Variants in BLOC1S5 observed in about 807,000 individuals in gnomAD.
The protein encoded by BLOC1S5 is biogenesis of lysosomal organelles complex 1 subunit 5, also known as biogenesis of lysosome-related organelles complex 1 subunit 5.
In BLOC1S5, 27 loss-of-function variants were observed where a neutral mutation model predicts 24.3. The ratio of observed to expected loss-of-function variants is 1.11; its 90% confidence interval spans 0.82 to 1.53. The LOEUF (loss-of-function observed/expected upper bound fraction) is 1.53. BLOC1S5 is among the 40% of genes most tolerant of loss of function. The pLI is 0.00. For synonymous variants in BLOC1S5, 84 were observed against 74.5 expected (o/e 1.13, Z -0.66); for missense variants, 239 against 229.4 (o/e 1.04, Z -0.27).
At chr6:8,052,324 T>C (rs1254282397) in intron 2 of BLOC1S5, among the ~76,000 whole-genome samples, 2 of 152,186 alleles carry the variant, frequency 1.3e-5, no homozygotes, top group Non-Finnish European at 2.9e-5. Flanking sequence ...TCAAGACTTA[T>C]TATTTAAGAA....
rs566293964 is a variant in BLOC1S5, at chr6:8,044,010, G to A, written c.196-2742C>T. On this transcript the variant is annotated intron_variant, in intron 2 of 4. Transcript: ENST00000397457. ...TTAAGAAGTGCCTTTCAGGCCAGGC[G>A]CGATGGCTCACGCCTGTAATCCCAG... Among the ~76,000 whole-genome samples, 9 of 152,284 alleles carry A rather than the reference G, an allele frequency of 5.9e-5. 1 individual carries two copies. The highest frequency in any genetic ancestry group is 1.0e-4 in the Non-Finnish European group (7 of 68,032).
Position 8,015,099 on chromosome 6 carries a change from T to C in BLOC1S5, c.*550A>G, listed in dbSNP as rs535530092. 1 of 152,578 alleles carries C rather than the reference T, an allele frequency of 6.6e-6. No homozygotes were observed. The highest frequency in any genetic ancestry group is 2.4e-5 in the African/African-American group (1 of 41,478). 9.5% of individuals were successfully genotyped at this position (152,578 alleles called of 1,614,324 possible). On this transcript the variant is annotated 3_prime_UTR_variant, in exon 5 of 5. Transcript: ENST00000397457. ...GGCAGCTCAAACACCAGCGTGGCCA[T>C]CTTTGCCACAGCAGAGACAATGTGT...
chr6:8,015,795 G>GT lies in BLOC1S5; in HGVS notation c.417dup (p.Gln140ThrfsTer19). 1 of 1,613,544 alleles carries GT rather than the reference G, an allele frequency of 6.2e-7. No homozygotes were observed. Among genetic ancestry groups the GT allele is most frequent in the Non-Finnish European group, 8.5e-7 (1 of 1,179,892 alleles). On this transcript the variant is annotated frameshift_variant, in exon 5 of 5. Coordinates refer to ENST00000397457, the MANE Select transcript of BLOC1S5 (RefSeq NM_201280.3). LOFTEE classifies it high-confidence loss of function. Reference sequence around the variant, plus strand: ...AAGTTGTCCCACTGGAGCATATGCTGTTTCTCACTAGCTACTAAGTGGTCA... The same window carrying GT: ...AAGTTGTCCCACTGGAGCATATGCTGTTTTCTCACTAGCTACTAAGTGGTCA...
intron 2 of BLOC1S5, among the ~76,000 whole-genome samples, chr6:8,047,929 T>C (rs932083667): frequency 6.6e-6 from 1 of 152,228 alleles, no homozygotes; most frequent in Non-Finnish European, 1.5e-5. Context: ...AATGTTCACA[T>C]ACAAAAGGCA....
intron 2 of BLOC1S5, 52 bp from the exon 3 acceptor site, chr6:8,041,320 T>TTTTC (rs769577911): frequency 2.7e-6 from 4 of 1,500,306 alleles, no homozygotes; most frequent in Non-Finnish European, 3.5e-6. Context: ...TCCTTTTTTT[T>TTTTC]TTTTTTTTTT....
intron 4 of BLOC1S5, among the ~76,000 whole-genome samples, chr6:8,019,641 C>G (rs1762858339): frequency 6.7e-6 from 1 of 150,166 alleles, no homozygotes; most frequent in South Asian, 2.1e-4. Context: ...CATGTATTGA[C>G]AATACTGCAG....
intron 2 of BLOC1S5, among the ~76,000 whole-genome samples, chr6:8,058,357 GA>G (rs60827828): frequency 8.8e-4 from 74 of 84,556 alleles, no homozygotes; most frequent in Non-Finnish European, 1.4e-3. Flanking sequence ...CTGTCTCTAT[GA>G]AAAAAAAAAA....
chr6:8,057,275 C>A (rs1288509643), intron 2 of BLOC1S5, among the ~76,000 whole-genome samples: 1 of 152,036 alleles, frequency 6.6e-6, no homozygotes, highest in Non-Finnish European at 1.5e-5. Context: ...ACCCATGACA[C>A]TATTATACAA....
chr6:8,035,359 T>TAAAAAA (rs60896604), intron 3 of BLOC1S5, among the ~76,000 whole-genome samples: 22 of 148,578 alleles, frequency 1.5e-4, no homozygotes, highest in African/African-American at 4.7e-4. Context: ...TTTTTTTTTT[T>TAAAAAA]AAAAAAAAGG....
At chr6:8,053,287 C>A (rs1248874315) in intron 2 of BLOC1S5, among the ~76,000 whole-genome samples, 1 of 152,152 alleles carries the variant, frequency 6.6e-6, no homozygotes, top group Non-Finnish European at 1.5e-5. Context: ...CGCTACCAAG[C>A]AGCATTTTAT....
At chr6:8,033,292 G>A (rs921796626) in intron 3 of BLOC1S5, among the ~76,000 whole-genome samples, 2 of 152,056 alleles carry the variant, frequency 1.3e-5, no homozygotes, top group Admixed American at 6.6e-5. Context: ...ACAGACCAAT[G>A]GAACAGGACA....
intron 2 of BLOC1S5, among the ~76,000 whole-genome samples, chr6:8,055,396 C>T (rs182435502): frequency 4.8e-4 from 73 of 152,346 alleles, no homozygotes; most frequent in African/African-American, 1.8e-3. Flanking sequence ...GATTGTACCA[C>T]TGCATTCCAG....
chr6:8,025,227 C>T (rs576087712), intron 4 of BLOC1S5, among the ~76,000 whole-genome samples: 47 of 152,334 alleles, frequency 3.1e-4, no homozygotes, highest in African/African-American at 1.1e-3. Flanking sequence ...AGTGTAGGAA[C>T]AGCCCTAAAG....
chr6:8,048,759 T>A (rs1450673508), intron 2 of BLOC1S5, among the ~76,000 whole-genome samples: 1 of 152,208 alleles, frequency 6.6e-6, no homozygotes, highest in African/African-American at 2.4e-5. Context: ...ACGCCTGTAA[T>A]CCCAGCACTT....
chr6:8,058,463 G>A (rs1764398095), intron 2 of BLOC1S5, among the ~76,000 whole-genome samples: 1 of 150,552 alleles, frequency 6.6e-6, no homozygotes, highest in African/African-American at 2.4e-5. Flanking sequence ...CCTTATGGCA[G>A]AGACTAATTT....
intron 2 of BLOC1S5, among the ~76,000 whole-genome samples, chr6:8,043,204 T>C (rs1014218851): frequency 3.3e-5 from 5 of 151,948 alleles, no homozygotes; most frequent in African/African-American, 1.2e-4. Context: ...CTGCCCAAAA[T>C]GAGGGTGGGT....
intron 2 of BLOC1S5, among the ~76,000 whole-genome samples, chr6:8,059,144 T>C (rs1262127622): frequency 2.0e-5 from 3 of 152,194 alleles, no homozygotes; most frequent in Non-Finnish European, 2.9e-5. Context: ...ATTACATTAA[T>C]ACTCACTGGA....
chr6:8,028,591 T>A (rs1393995847), intron 3 of BLOC1S5, among the ~76,000 whole-genome samples: 1 of 152,204 alleles, frequency 6.6e-6, no homozygotes, highest in Non-Finnish European at 1.5e-5. Flanking sequence ...TGCCACTTAC[T>A]TTGTCATCTG....
At chr6:8,048,552 C>T (rs1489767039) in intron 2 of BLOC1S5, among the ~76,000 whole-genome samples, 1 of 151,744 alleles carries the variant, frequency 6.6e-6, no homozygotes, top group Non-Finnish European at 1.5e-5. Context: ...TATCAAAACA[C>T]CAACATAATT....
Sources: allele counts gnomAD v4.1 joint callset (sites outside exome capture counted in the v4.1 genomes callset), GRCh38; gene constraint gnomAD v4.1.1; transcripts MANE v1.5; gene names NCBI Gene and HGNC (gene_info 2026-07-23, HGNC 2026-07-21).